The following PCDH9 variants were observed in gnomAD, a reference collection of about 807,000 sequenced individuals.
PCDH9 encodes the protein protocadherin-9.
In PCDH9, 24 loss-of-function variants were observed where a neutral mutation model predicts 70.6. That is an observed-to-expected ratio of 0.34 (90% CI 0.25 to 0.48). The LOEUF is 0.48. PCDH9 is among the 20% of genes least tolerant of loss of function. The pLI is 0.99. For synonymous variants in PCDH9, 562 were observed against 558.5 expected, an observed-to-expected ratio of 1.01 and a Z score of -0.09; for missense variants, 1,281 against 1,503.6, an observed-to-expected ratio of 0.85 and a Z score of 2.45.
intron 4 of PCDH9, among the ~76,000 whole-genome samples, chr13:66,430,345 A>G (rs1957749663): frequency 6.6e-6 from 1 of 152,020 alleles, no homozygotes; most frequent in African/African-American, 2.4e-5. Context: ...AATACAATAA[A>G]TTTTGCTTGG....
intron 4 of PCDH9, among the ~76,000 whole-genome samples, chr13:66,357,892 C>T (rs890897741): frequency 6.6e-6 from 1 of 151,916 alleles, no homozygotes; most frequent in African/African-American, 2.4e-5. Context: ...ATATAATATA[C>T]CTTTTAGAAT....
At chr13:66,808,483 C>T (rs917424244) in intron 3 of PCDH9, among the ~76,000 whole-genome samples, 1 of 151,472 alleles carries the variant, frequency 6.6e-6, no homozygotes, top group Non-Finnish European at 1.5e-5. Flanking sequence ...GCAACTTGTT[C>T]CCAAATTATT....
intron 4 of PCDH9, among the ~76,000 whole-genome samples, chr13:66,433,416 G>A (rs751678250): frequency 2.0e-5 from 3 of 150,496 alleles, no homozygotes; most frequent in Non-Finnish European, 4.4e-5. Context: ...ATGTAATTGA[G>A]AACTAATGAA....
At chr13:66,383,771 A>G (rs930327478) in intron 4 of PCDH9, among the ~76,000 whole-genome samples, 3 of 152,232 alleles carry the variant, frequency 2.0e-5, no homozygotes, top group African/African-American at 7.2e-5. Context: ...GACAGAAATA[A>G]TCCAGGCACC....
chr13:66,852,374 T>C (rs2081328319), intron 3 of PCDH9, among the ~76,000 whole-genome samples: 1 of 152,148 alleles, frequency 6.6e-6, no homozygotes, highest in African/African-American at 2.4e-5. Flanking sequence ...TAAGCATTGT[T>C]AATCATCCTT....
At chr13:67,132,243 T>C (rs1166952209) in intron 2 of PCDH9, among the ~76,000 whole-genome samples, 2 of 152,156 alleles carry the variant, frequency 1.3e-5, no homozygotes, top group South Asian at 2.1e-4. Context: ...TCTTCCCGAT[T>C]AGCAGTTAGT....
At chr13:66,846,372 T>C (rs1192157809) in intron 3 of PCDH9, among the ~76,000 whole-genome samples, 1 of 152,210 alleles carries the variant, frequency 6.6e-6, no homozygotes, top group Non-Finnish European at 1.5e-5. Context: ...CAGATTTCAA[T>C]CTCGCTGACT....
intron 4 of PCDH9, among the ~76,000 whole-genome samples, chr13:66,366,341 T>C (rs1566272588): frequency 6.6e-6 from 1 of 152,088 alleles, no homozygotes; most frequent in Non-Finnish European, 1.5e-5. Context: ...TCAACAGATT[T>C]CCATAAGTAA....
At chr13:66,624,945 T>G (rs114708537) in intron 4 of PCDH9, among the ~76,000 whole-genome samples, 2 of 52,394 alleles carry the variant, frequency 3.8e-5, no homozygotes, top group African/African-American at 1.2e-4. Flanking sequence ...TCTGGAAAAT[T>G]TAAAACACGT....
intron 4 of PCDH9, among the ~76,000 whole-genome samples, chr13:66,372,359 T>C (rs1367040330): frequency 1.3e-5 from 2 of 151,736 alleles, no homozygotes; most frequent in Non-Finnish European, 2.9e-5. Context: ...CTAAAGGACA[T>C]AAAGGATTTA....
At chr13:66,878,276 G>C (rs896225528) in intron 3 of PCDH9, among the ~76,000 whole-genome samples, 8 of 151,824 alleles carry the variant, frequency 5.3e-5, no homozygotes, top group African/African-American at 1.9e-4. Flanking sequence ...GCCCAGGCTG[G>C]AGTGTAGGGG....
chr13:67,206,239 C>T (rs1335342110), intron 2 of PCDH9: 1 of 152,308 alleles, frequency 6.6e-6, no homozygotes. Context: ...GATCTCGGCT[C>T]ACTGCAAGCT....
chr13:66,752,469 G>A (rs1351459953), intron 3 of PCDH9, among the ~76,000 whole-genome samples: 1 of 152,018 alleles, frequency 6.6e-6, no homozygotes, highest in African/African-American at 2.4e-5. Flanking sequence ...GCTGTTTTTT[G>A]TATTTTTTGT....
At chr13:66,761,665 C>A (rs2079629899) in intron 3 of PCDH9, among the ~76,000 whole-genome samples, 1 of 151,910 alleles carries the variant, frequency 6.6e-6, no homozygotes, top group Non-Finnish European at 1.5e-5. Context: ...ATTGTATTTG[C>A]AGTTTTCATT....
chr13:66,848,573 A>G (rs1222712816), intron 3 of PCDH9, among the ~76,000 whole-genome samples: 1 of 152,170 alleles, frequency 6.6e-6, no homozygotes, highest in Admixed American at 6.5e-5. Context: ...AAATCTTATC[A>G]TCAGTATGCA....
chr13:66,770,546 G>A (rs1194315210), intron 3 of PCDH9, among the ~76,000 whole-genome samples: 3 of 152,074 alleles, frequency 2.0e-5, no homozygotes, highest in African/African-American at 7.2e-5. Context: ...GTTTCAATAG[G>A]GGCCTCCTGC....
At chr13:66,767,908 G>C (rs1368163804) in intron 3 of PCDH9, among the ~76,000 whole-genome samples, 1 of 152,062 alleles carries the variant, frequency 6.6e-6, no homozygotes, top group African/African-American at 2.4e-5. Context: ...ATAAGGCTTA[G>C]TTCTATGTCT....
At chr13:67,011,020 C>T (rs2084441697) in intron 2 of PCDH9, among the ~76,000 whole-genome samples, 1 of 151,830 alleles carries the variant, frequency 6.6e-6, no homozygotes, top group Non-Finnish European at 1.5e-5. Flanking sequence ...TGTAAAACTA[C>T]AGAAAAAGGA....
chr13:66,364,085 G>T (rs1258423656), intron 4 of PCDH9, among the ~76,000 whole-genome samples: 1 of 152,074 alleles, frequency 6.6e-6, no homozygotes, highest in African/African-American at 2.4e-5. Context: ...AACCCAGGAG[G>T]CGGTGGTTGC....
Sources: allele counts gnomAD v4.1 joint callset (sites outside exome capture counted in the v4.1 genomes callset), GRCh38; gene constraint gnomAD v4.1.1; transcripts MANE v1.5; gene names NCBI Gene and HGNC (gene_info 2026-07-23, HGNC 2026-07-21).